Variants in HS6ST3 observed in about 807,000 individuals in gnomAD.
HS6ST3 encodes the protein heparan-sulfate 6-O-sulfotransferase 3.
Under a neutral mutation model 36.7 loss-of-function variants are expected in HS6ST3, and 12 were observed. That is an observed-to-expected ratio of 0.33 (90% confidence interval 0.21 to 0.53). The LOEUF is 0.53. HS6ST3 is among the 20% of genes least tolerant of loss of function. The probability of loss-of-function intolerance (pLI) is 0.95; values close to 1 mark genes in which losing one functional copy is unlikely to be tolerated. For missense variants in HS6ST3, 584 were observed against 640.9 expected (o/e 0.91, Z 0.96); for synonymous variants, 240 against 257.5 (o/e 0.93, Z 0.65).
intron 1 of HS6ST3, among the ~76,000 whole-genome samples, chr13:96,438,831 C>T (rs1237852816): frequency 2.6e-5 from 4 of 152,048 alleles, no homozygotes; most frequent in Admixed American, 1.3e-4. Flanking sequence ...TGTGGGAGGC[C>T]GAAGTGGATG....
intron 1 of HS6ST3, among the ~76,000 whole-genome samples, chr13:96,254,448 A>AATAT (rs869064004): frequency 6.0e-5 from 1 of 16,534 alleles, no homozygotes; most frequent in Non-Finnish European, 1.1e-4. Context: ...AAAAAAAAAA[A>AATAT]ATATATATAT....
At chr13:96,587,442 T>A (rs533090345) in intron 1 of HS6ST3, among the ~76,000 whole-genome samples, 1 of 152,256 alleles carries the variant, frequency 6.6e-6, no homozygotes, top group African/African-American at 2.4e-5. Flanking sequence ...GACTGAGTAA[T>A]TTACAAAGAA....
At chr13:96,385,372 C>T (rs1212438415) in intron 1 of HS6ST3, among the ~76,000 whole-genome samples, 2 of 152,084 alleles carry the variant, frequency 1.3e-5, no homozygotes, top group Non-Finnish European at 2.9e-5. Flanking sequence ...TGTGCTAACT[C>T]ATTCATACTG....
chr13:96,550,064 A>G (rs1015652947), intron 1 of HS6ST3, among the ~76,000 whole-genome samples: 2 of 152,164 alleles, frequency 1.3e-5, no homozygotes, highest in Non-Finnish European at 2.9e-5. Context: ...TATGCTTCTC[A>G]TAGTAGCGAT....
chr13:96,571,935 C>A (rs2138962579), intron 1 of HS6ST3, among the ~76,000 whole-genome samples: 1 of 152,300 alleles, frequency 6.6e-6, no homozygotes, highest in African/African-American at 2.4e-5. Flanking sequence ...ATACGTGTAC[C>A]ATGCACCGTG....
intron 1 of HS6ST3, among the ~76,000 whole-genome samples, chr13:96,406,342 A>G (rs1404462611): frequency 1.3e-5 from 2 of 152,200 alleles, no homozygotes; most frequent in Non-Finnish European, 2.9e-5. Context: ...GTTCTCAAAT[A>G]CTAGTGAGTA....
chr13:96,138,426 TATATTTACA>T (rs2054013474), intron 1 of HS6ST3, among the ~76,000 whole-genome samples: 1 of 148,618 alleles, frequency 6.7e-6, no homozygotes, highest in Non-Finnish European at 1.5e-5. Flanking sequence ...TTTATAAATA[TATATTTACA>T]GTTTATAAAT....
chr13:96,828,411 G>T (rs1330577449), intron 1 of HS6ST3, among the ~76,000 whole-genome samples: 1 of 152,064 alleles, frequency 6.6e-6, no homozygotes, highest in South Asian at 2.1e-4. Context: ...CTTTAAGTTG[G>T]TGTGTATTTT....
chr13:96,784,625 G>T (rs1264124124), intron 1 of HS6ST3, among the ~76,000 whole-genome samples: 3 of 152,052 alleles, frequency 2.0e-5, no homozygotes, highest in Non-Finnish European at 4.4e-5. Context: ...TGTTCAAAAT[G>T]CATTTTATGG....
chr13:96,470,540 A>T (rs1336746153), intron 1 of HS6ST3, among the ~76,000 whole-genome samples: 8 of 152,116 alleles, frequency 5.3e-5, no homozygotes, highest in Non-Finnish European at 1.0e-4. Flanking sequence ...AGCCCTTCCC[A>T]CTTAAACAAA....
chr13:96,112,470 C>G (rs1049775047), intron 1 of HS6ST3, among the ~76,000 whole-genome samples: 11 of 150,678 alleles, frequency 7.3e-5, no homozygotes, highest in African/African-American at 2.7e-4. Flanking sequence ...TGGTGGCCCA[C>G]ACCTGTAATC....
intron 1 of HS6ST3, among the ~76,000 whole-genome samples, chr13:96,591,884 T>A (rs998389117): frequency 6.6e-5 from 10 of 152,090 alleles, no homozygotes; most frequent in Non-Finnish European, 1.3e-4. Context: ...ATACCCAGTT[T>A]TTTTTTTAGG....
intron 1 of HS6ST3, among the ~76,000 whole-genome samples, chr13:96,093,031 CTAACACA>C (rs1159933463): frequency 6.6e-6 from 1 of 152,180 alleles, no homozygotes; most frequent in Non-Finnish European, 1.5e-5. Flanking sequence ...TCCAAACCTC[CTAACACA>C]TAACACTATT....
At chr13:96,466,391 G>C (rs1468847773) in intron 1 of HS6ST3, among the ~76,000 whole-genome samples, 2 of 152,116 alleles carry the variant, frequency 1.3e-5, no homozygotes, top group Non-Finnish European at 2.9e-5. Context: ...TATTCATCTT[G>C]CATCACTGGA....
intron 1 of HS6ST3, among the ~76,000 whole-genome samples, chr13:96,205,511 AGAG>A (rs941546549): frequency 2.6e-5 from 4 of 152,186 alleles, no homozygotes; most frequent in African/African-American, 9.6e-5. Flanking sequence ...AAAACTTGGC[AGAG>A]ATACAACAAC....
intron 1 of HS6ST3, among the ~76,000 whole-genome samples, chr13:96,575,310 G>A (rs2056316696): frequency 6.6e-6 from 1 of 152,218 alleles, no homozygotes; most frequent in African/African-American, 2.4e-5. Flanking sequence ...GGTGTGAAAG[G>A]AGAGGCCTCC....
At chr13:96,581,450 C>A (rs1311559234) in intron 1 of HS6ST3, among the ~76,000 whole-genome samples, 1 of 152,040 alleles carries the variant, frequency 6.6e-6, no homozygotes, top group East Asian at 1.9e-4. Context: ...TCTCGATCTC[C>A]TGACCTCATG....
intron 1 of HS6ST3, among the ~76,000 whole-genome samples, chr13:96,422,918 C>G (rs1023600247): frequency 5.9e-5 from 9 of 152,102 alleles, no homozygotes; most frequent in African/African-American, 2.2e-4. Context: ...GTAATACTAT[C>G]AAAACATCAC....
intron 1 of HS6ST3, among the ~76,000 whole-genome samples, chr13:96,652,379 T>C (rs2139013427): frequency 6.6e-6 from 1 of 152,048 alleles, no homozygotes; most frequent in East Asian, 1.9e-4. Flanking sequence ...TCCATTTCTT[T>C]CCTCCCTCCC....
Sources: allele counts gnomAD v4.1 joint callset (sites outside exome capture counted in the v4.1 genomes callset), GRCh38; gene constraint gnomAD v4.1.1; transcripts MANE v1.5; gene names NCBI Gene and HGNC (gene_info 2026-07-23, HGNC 2026-07-21).